The following JAM3 variants were observed in gnomAD, a reference collection of about 807,000 sequenced individuals.
JAM3 encodes junctional adhesion molecule C.
A neutral mutation model predicts 39.4 loss-of-function variants in JAM3; 31 were observed. The ratio of observed to expected loss-of-function variants is 0.79; its 90% CI spans 0.59 to 1.06. The LOEUF is 1.06. JAM3 is among the 50% of genes least tolerant of loss of function. The pLI is 0.00. For synonymous variants in JAM3, 182 were observed against 148.7 expected, an observed-to-expected ratio of 1.22 and a Z score of -1.63; for missense variants, 455 against 391.4, an observed-to-expected ratio of 1.16 and a Z score of -1.37.
intron 6 of JAM3, 149 bp from the exon 7 acceptor site, chr11:134,148,398 G>A: frequency 3.5e-6 from 3 of 857,848 alleles, no homozygotes; most frequent in Non-Finnish European, 5.8e-6. Context: ...TAGAAGGATT[G>A]TAAGTGTTCT....
chr11:134,124,751 C>T (rs1189791885), intron 1 of JAM3, among the ~76,000 whole-genome samples: 6 of 152,090 alleles, frequency 3.9e-5, no homozygotes, highest in African/African-American at 9.7e-5. Context: ...TGAGGCCGGT[C>T]GGTGTGTCCA....
At chr11:134,126,745 C>T (rs760687399) in intron 1 of JAM3, among the ~76,000 whole-genome samples, 2 of 152,232 alleles carry the variant, frequency 1.3e-5, no homozygotes, top group African/African-American at 2.4e-5. Context: ...CTAGATACCA[C>T]TGTGCATGGC....
intron 1 of JAM3, among the ~76,000 whole-genome samples, chr11:134,105,563 T>C (rs1255727234): frequency 6.6e-6 from 1 of 152,132 alleles, no homozygotes; most frequent in African/African-American, 2.4e-5. Context: ...AGTCAAATTG[T>C]CCCTGTTTGT....
At chr11:134,144,747 A>G (rs1184584115) in intron 4 of JAM3, 45 bp from the exon 5 acceptor site, 3 of 1,513,702 alleles carry the variant, frequency 2.0e-6, no homozygotes, top group African/African-American at 2.8e-5. Context: ...ATAAGAATAG[A>G]GCCCTGTCAC....
chr11:134,105,221 T>A (rs1256277663), intron 1 of JAM3, among the ~76,000 whole-genome samples: 1 of 152,176 alleles, frequency 6.6e-6, no homozygotes, highest in Non-Finnish European at 1.5e-5. Context: ...ATAAACATCA[T>A]CCGGCATATA....
intron 1 of JAM3, among the ~76,000 whole-genome samples, chr11:134,090,721 T>A (rs2120634542): frequency 6.6e-6 from 1 of 152,332 alleles, no homozygotes; most frequent in African/African-American, 2.4e-5. Flanking sequence ...CAAAGTTGTC[T>A]ATCTTTTGAA....
chr11:134,145,409 T>C (rs1247831877), intron 5 of JAM3: 3 of 330,504 alleles, frequency 9.1e-6, no homozygotes, highest in African/African-American at 6.4e-5. Context: ...TACTGAAGTA[T>C]TTATGGATAA....
At chr11:134,117,514 A>G (rs1242846467) in intron 1 of JAM3, among the ~76,000 whole-genome samples, 2 of 152,224 alleles carry the variant, frequency 1.3e-5, no homozygotes, top group Admixed American at 1.3e-4. Flanking sequence ...TGATGTGAAC[A>G]TCTCAGAATT....
chr11:134,140,892 T>TG (rs1942962848), intron 3 of JAM3, 122 bp downstream of exon 3: 3 of 1,326,568 alleles, frequency 2.3e-6, no homozygotes, highest in Non-Finnish European at 3.0e-6. Flanking sequence ...ACCGTTTTTT[T>TG]TTTTTTAAAG....
intron 1 of JAM3, among the ~76,000 whole-genome samples, chr11:134,135,722 G>A (rs1942852855): frequency 6.6e-6 from 1 of 151,794 alleles, no homozygotes; most frequent in Non-Finnish European, 1.5e-5. Flanking sequence ...TCTTATTCAT[G>A]TATTAGCCCT....
chr11:134,107,488 A>G (rs936096378), intron 1 of JAM3, among the ~76,000 whole-genome samples: 5 of 152,126 alleles, frequency 3.3e-5, no homozygotes, highest in South Asian at 2.1e-4. Context: ...TAAAAAATAT[A>G]TATAAATAGT....
At chr11:134,119,208 GAGTC>G (rs1942491008) in intron 1 of JAM3, among the ~76,000 whole-genome samples, 1 of 152,132 alleles carries the variant, frequency 6.6e-6, no homozygotes, top group Non-Finnish European at 1.5e-5. Flanking sequence ...TCACAGGCAT[GAGTC>G]AGCACGACTG....
intron 1 of JAM3, among the ~76,000 whole-genome samples, chr11:134,091,783 GCC>G (rs1305438305): frequency 2.6e-5 from 4 of 151,448 alleles, no homozygotes; most frequent in African/African-American, 9.7e-5. Flanking sequence ...TGGAAAAGTT[GCC>G]TGAGGCAAGG....
At chr11:134,145,026 A>G in intron 5 of JAM3, 32 bp downstream of exon 5, 3 of 1,540,744 alleles carry the variant, frequency 1.9e-6, no homozygotes, top group Non-Finnish European at 2.7e-6. Flanking sequence ...GAGGATGGAG[A>G]TGTCTTTGTT....
intron 1 of JAM3, among the ~76,000 whole-genome samples, chr11:134,108,320 T>C (rs1279273930): frequency 6.6e-6 from 1 of 151,100 alleles, no homozygotes; most frequent in Non-Finnish European, 1.5e-5. Context: ...CAAAGAAAAC[T>C]CCAGGCCCAG....
intron 1 of JAM3, among the ~76,000 whole-genome samples, chr11:134,109,953 G>A (rs898911489): frequency 6.6e-6 from 1 of 152,090 alleles, no homozygotes; most frequent in African/African-American, 2.4e-5. Context: ...GCAGAGTGAA[G>A]TGGGGTCTGA....
chr11:134,120,282 A>T (rs11601362), intron 1 of JAM3, among the ~76,000 whole-genome samples: 1 of 152,190 alleles, frequency 6.6e-6, no homozygotes, highest in Admixed American at 6.5e-5. Flanking sequence ...GCAGTAATGC[A>T]TGCTGACGTG....
At chr11:134,116,450 G>A (rs1031215533) in intron 1 of JAM3, among the ~76,000 whole-genome samples, 2 of 152,062 alleles carry the variant, frequency 1.3e-5, no homozygotes, top group African/African-American at 4.8e-5. Context: ...TATGGGTATT[G>A]TATTCTTTGT....
chr11:134,079,450 T>A (rs1246142396), intron 1 of JAM3, among the ~76,000 whole-genome samples: 1 of 152,160 alleles, frequency 6.6e-6, no homozygotes. Context: ...AAAGGTGCCG[T>A]CTGATGTAAT....
Sources: gnomAD v4.1 joint callset for allele counts (sites outside exome capture counted in the v4.1 genomes callset) on GRCh38, gnomAD v4.1.1 for gene constraint, MANE v1.5 for transcripts, NCBI Gene and HGNC (gene_info 2026-07-23, HGNC 2026-07-21) for gene names.